The following ARMCX4 variants were observed in gnomAD, a reference collection of about 807,000 sequenced individuals.
ARMCX4 encodes armadillo repeat-containing X-linked protein 4.
In ARMCX4, 3 loss-of-function variants were observed where a neutral mutation model predicts 34.7. The observed-to-expected ratio is 0.09, with a 90% CI of 0.04 to 0.22. The LOEUF (loss-of-function observed/expected upper bound fraction) is 0.22. Ranked by LOEUF, ARMCX4 falls within the 10% of genes least tolerant of loss-of-function variation. The probability of loss-of-function intolerance (pLI) is 1.00; values close to 1 mark genes in which losing one functional copy is unlikely to be tolerated. For missense variants in ARMCX4, 1,448 were observed against 1,720.8 expected (o/e 0.84, Z 2.81); for synonymous variants, 513 against 632.8 (o/e 0.81, Z 2.84).
At chrX:101,468,714 C>G (rs370204026) in intron 4 of ARMCX4, among the ~76,000 whole-genome samples, 1 of 107,166 alleles carries the variant, frequency 9.3e-6, no homozygotes, top group Non-Finnish European at 1.9e-5. Flanking sequence ...CCAGGGTTCA[C>G]GCCATTCTCC....
chrX:101,493,029 G>A lies in ARMCX4; in HGVS notation c.4440G>A (p.Glu1480=), dbSNP rs781788047. 6.1e-6 allele frequency: 7 copies of A among 1,153,762 alleles called. No individual in the cohort carries two copies. The highest frequency in any genetic ancestry group is 6.5e-5 in the East Asian group (2 of 30,650). The change falls in exon 6 of 6, where the codon GAG becomes GAA. Residue 1480 remains glutamate, a synonymous_variant. Coordinates refer to ENST00000423738, the MANE Select transcript of ARMCX4 (RefSeq NM_001256155.3). ...GAGGGTCCTGGGCTGATGCCAGGGAGCAGGTTGTTGGAGATTCTAGGCTGG... is the reference window on the plus strand; with the variant it reads ...GAGGGTCCTGGGCTGATGCCAGGGAACAGGTTGTTGGAGATTCTAGGCTGG... The part of the protein sequence containing the change: ...SGRGSWADAR[E]QVVGDSRLGL...
chrX:101,534,351 C>T (rs1253196374), downstream of ARMCX4, among the ~76,000 whole-genome samples: 3 of 111,368 alleles, frequency 2.7e-5, no homozygotes, highest in Non-Finnish European at 5.7e-5. Flanking sequence ...AAATTAAAAA[C>T]GGTAGTTTTT....
intron 4 of ARMCX4, among the ~76,000 whole-genome samples, chrX:101,467,365 G>A (rs1215478071): frequency 9.0e-6 from 1 of 111,581 alleles, no homozygotes; most frequent in African/African-American, 3.3e-5. Flanking sequence ...TGGCCAGGAT[G>A]GTCTCAAACT....
At chrX:101,434,050 A>G (rs1440854681) in intron 2 of ARMCX4, among the ~76,000 whole-genome samples, 1 of 108,105 alleles carries the variant, frequency 9.3e-6, no homozygotes, top group Non-Finnish European at 1.9e-5. Flanking sequence ...GGCTCAAGCA[A>G]TCCTCCCACC....
intron 11 of ARMCX4, among the ~76,000 whole-genome samples, chrX:101,511,261 C>T (rs1934574263): frequency 9.1e-6 from 1 of 110,395 alleles, no homozygotes; most frequent in Admixed American, 9.6e-5. Context: ...TATCTTTTTC[C>T]TATTTTAAAA....
In ARMCX4 at chrX:101,490,587, C is replaced by T; in HGVS notation, c.1998C>T (p.Gly666=). 1 of 1,156,414 alleles carries T rather than the reference C, an allele frequency of 8.6e-7. No individual in the cohort carries two copies. The highest frequency in any genetic ancestry group is 1.1e-6 in the Non-Finnish European group (1 of 872,993). The change falls in exon 6 of 6, where the codon GGC becomes GGT. Residue 666 remains glycine (G), a synonymous_variant. Transcript: ENST00000423738. The part of the protein sequence containing the change: ...LKAEVGEGAM[G]TAQLQIMASS... The stretch of plus-strand genomic sequence containing the variant: ...CAGAAGTTGGGGAAGGTGCAATGGG[C>T]ACTGCCCAGCTTCAGATTATGGCCA...
At chrX:101,451,025 G>T (rs1362853935), downstream of ARMCX4, among the ~76,000 whole-genome samples, 2 of 111,561 alleles carry the variant, frequency 1.8e-5, no homozygotes, top group South Asian at 3.8e-4. Flanking sequence ...GTCTGCCTGG[G>T]GTTGGAGGTG....
rs186220049 is a variant in ARMCX4, at chrX:101,528,223, A to G, written c.*1781-3421A>G. Among the ~76,000 whole-genome samples, 43 of 112,245 alleles carry G rather than the reference A, an allele frequency of 3.8e-4. No homozygotes were observed. In the East Asian group the frequency reaches 5.3e-3, roughly 14 times the overall value. On this transcript the variant is annotated intron_variant and NMD_transcript_variant, in intron 11 of 12. Coordinates refer to the ARMCX4 transcript ENST00000354842. The stretch of plus-strand genomic sequence containing the variant: ...TAATCCATCACATAAACAGAACCAA[A>G]GACAAAAACCACATGATTATCTTAA...
chrX:101,499,104 G>A (rs1441654320), downstream of ARMCX4: 1 of 111,983 alleles, frequency 8.9e-6, no homozygotes, highest in Non-Finnish European at 1.9e-5. Flanking sequence ...AGGTGCTGAG[G>A]GAGTAAGTAT....
upstream of ARMCX4, among the ~76,000 whole-genome samples, chrX:101,481,186 C>T (rs1357551113): frequency 8.9e-6 from 1 of 112,210 alleles, no homozygotes; most frequent in African/African-American, 3.2e-5. Context: ...ATTACTAATA[C>T]AGACGGTCCC....
intron 7 of ARMCX4, among the ~76,000 whole-genome samples, chrX:101,501,017 T>G (rs547547439): frequency 1.1e-4 from 12 of 112,210 alleles, no homozygotes; most frequent in African/African-American, 3.9e-4. Context: ...TTTTAGGGGT[T>G]GAATGGCCTG....
chrX:101,433,233 CACATATGTAT>C (rs1930392145), intron 2 of ARMCX4, among the ~76,000 whole-genome samples: 1 of 38,024 alleles, frequency 2.6e-5, no homozygotes, highest in Non-Finnish European at 7.3e-5. Context: ...CATATATGTA[CACATATGTAT>C]ATATACACAC....
downstream of ARMCX4, among the ~76,000 whole-genome samples, chrX:101,535,142 C>A (rs1307368960): frequency 9.0e-6 from 1 of 110,757 alleles, no homozygotes; most frequent in Non-Finnish European, 1.9e-5. Flanking sequence ...AGGTAGACAC[C>A]CAACTTAAAG....
At chrX:101,502,713 T>C (rs1167366687) in intron 7 of ARMCX4, among the ~76,000 whole-genome samples, 1 of 111,038 alleles carries the variant, frequency 9.0e-6, no homozygotes, top group Non-Finnish European at 1.9e-5. Context: ...CATTCAAGTG[T>C]TCTTTATTTT....
downstream of ARMCX4, among the ~76,000 whole-genome samples, chrX:101,448,972 T>G (rs1339498401): frequency 6.2e-5 from 6 of 97,402 alleles, no homozygotes; most frequent in East Asian, 3.4e-4. Context: ...AGTGCAGTGG[T>G]GCAATCTTGG....
intron 11 of ARMCX4, among the ~76,000 whole-genome samples, chrX:101,512,316 A>G (rs1216382208): frequency 8.9e-6 from 1 of 111,763 alleles, no homozygotes; most frequent in Non-Finnish European, 1.9e-5. Flanking sequence ...GGTTGCAGTG[A>G]GCTGTGATTG....
At chrX:101,520,682 T>C (rs1556018871) in intron 11 of ARMCX4, among the ~76,000 whole-genome samples, 2 of 111,414 alleles carry the variant, frequency 1.8e-5, no homozygotes, top group African/African-American at 6.5e-5. Flanking sequence ...TTTGTCTGTA[T>C]TTATAAGTTA....
At chrX:101,465,502 C>T (rs1343199310) in intron 4 of ARMCX4, among the ~76,000 whole-genome samples, 2 of 112,050 alleles carry the variant, frequency 1.8e-5, no homozygotes, top group African/African-American at 6.5e-5. Flanking sequence ...TCTAAATTTG[C>T]ATGCATCTAA....
At chrX:101,432,868 A>G (rs1930213574) in intron 2 of ARMCX4, among the ~76,000 whole-genome samples, 1 of 93,056 alleles carries the variant, frequency 1.1e-5, no homozygotes, top group Admixed American at 1.2e-4. Flanking sequence ...ACACGTATAT[A>G]TACACATATG....
Sources: gnomAD v4.1 joint callset for allele counts (sites outside exome capture counted in the v4.1 genomes callset) on GRCh38, gnomAD v4.1.1 for gene constraint, MANE v1.5 for transcripts, NCBI Gene and HGNC (gene_info 2026-07-23, HGNC 2026-07-21) for gene names.